Variants in HS6ST3 observed in about 807,000 individuals in gnomAD.
The protein encoded by HS6ST3 is heparan-sulfate 6-O-sulfotransferase 3.
In HS6ST3, 12 loss-of-function variants were observed where a neutral mutation model predicts 36.7. That is an observed-to-expected ratio of 0.33 (90% CI 0.21 to 0.53). The LOEUF (loss-of-function observed/expected upper bound fraction) is 0.53. Among genes scored for constraint, HS6ST3 ranks in the 20% least tolerant of loss-of-function variants. The pLI is 0.95. For synonymous variants in HS6ST3, 240 were observed against 257.5 expected (o/e 0.93, Z 0.65); for missense variants, 584 against 640.9 (o/e 0.91, Z 0.96).
chr13:96,658,277 T>C (rs1308525047), intron 1 of HS6ST3, among the ~76,000 whole-genome samples: 25 of 26,760 alleles, frequency 9.3e-4, no homozygotes, highest in South Asian at 4.6e-3. Flanking sequence ...TCTTTTTTTT[T>C]TTTTTTTTTT....
chr13:96,724,293 CAAG>C (rs1202275185), intron 1 of HS6ST3, among the ~76,000 whole-genome samples: 3 of 152,188 alleles, frequency 2.0e-5, no homozygotes, highest in Non-Finnish European at 2.9e-5. Flanking sequence ...TATGTGGAGA[CAAG>C]GAGTGAACTG....
At chr13:96,211,916 C>T (rs1386073998) in intron 1 of HS6ST3, among the ~76,000 whole-genome samples, 1 of 152,146 alleles carries the variant, frequency 6.6e-6, no homozygotes, top group Non-Finnish European at 1.5e-5. Context: ...TAAATGGGAA[C>T]TGGAAAGAAA....
intron 1 of HS6ST3, among the ~76,000 whole-genome samples, chr13:96,365,724 T>C (rs2055259584): frequency 6.6e-6 from 1 of 152,178 alleles, no homozygotes; most frequent in Admixed American, 6.5e-5. Context: ...AGGCCATGAG[T>C]ATGAAGTATG....
At chr13:96,121,097 G>T (rs1025448735) in intron 1 of HS6ST3, among the ~76,000 whole-genome samples, 1 of 152,204 alleles carries the variant, frequency 6.6e-6, no homozygotes, top group African/African-American at 2.4e-5. Flanking sequence ...GAGGACTTAA[G>T]TTTATTTGCA....
intron 1 of HS6ST3, among the ~76,000 whole-genome samples, chr13:96,325,160 G>A (rs572977780): frequency 9.9e-4 from 150 of 152,248 alleles, no homozygotes; most frequent in Non-Finnish European, 1.8e-3. Context: ...TGAGAGGGCT[G>A]ACTTTACAAA....
intron 1 of HS6ST3, among the ~76,000 whole-genome samples, chr13:96,124,532 A>G (rs2053941387): frequency 6.6e-6 from 1 of 152,230 alleles, no homozygotes; most frequent in Non-Finnish European, 1.5e-5. Flanking sequence ...TGGAGTGTGT[A>G]AACAACTTTG....
chr13:96,286,621 A>C lies in HS6ST3; in HGVS notation c.707+195052A>C, dbSNP rs1273807546. Among the ~76,000 whole-genome samples, 3 of 152,262 alleles carry C rather than the reference A, an allele frequency of 2.0e-5. No individual in the cohort carries two copies. In the East Asian group the frequency reaches 5.8e-4, roughly 29 times the overall value. On this transcript the variant is annotated intron_variant, in intron 1 of 1. Coordinates refer to ENST00000376705, the MANE Select transcript of HS6ST3 (RefSeq NM_153456.4). ...CAGTGGTTGTGGCTAGGAAAGCATT[A>C]ATTTCAAAAATTTAGCTTAGTGTAC...
chr13:96,314,369 G>C (rs2054957486), intron 1 of HS6ST3, among the ~76,000 whole-genome samples: 1 of 152,012 alleles, frequency 6.6e-6, no homozygotes, highest in Admixed American at 6.6e-5. Flanking sequence ...CTAAGATATT[G>C]GGAAATTTTT....
At chr13:96,715,395 AAG>A (rs1200470747) in intron 1 of HS6ST3, among the ~76,000 whole-genome samples, 2 of 152,154 alleles carry the variant, frequency 1.3e-5, no homozygotes, top group African/African-American at 4.8e-5. Flanking sequence ...TTAGCTTAAA[AAG>A]AGCTCTAAAA....
intron 1 of HS6ST3, among the ~76,000 whole-genome samples, chr13:96,748,144 C>T (rs547612292): frequency 6.6e-6 from 1 of 152,016 alleles, no homozygotes; most frequent in Non-Finnish European, 1.5e-5. Flanking sequence ...AAACTCATGG[C>T]ATCCCAGATT....
At chr13:96,533,433 A>G (rs1345786583) in intron 1 of HS6ST3, among the ~76,000 whole-genome samples, 2 of 152,338 alleles carry the variant, frequency 1.3e-5, no homozygotes, top group African/African-American at 4.8e-5. Context: ...CCTGACAGCC[A>G]TGCAAGCATT....
intron 1 of HS6ST3, among the ~76,000 whole-genome samples, chr13:96,822,568 C>A (rs1395425363): frequency 1.3e-5 from 2 of 152,160 alleles, no homozygotes; most frequent in East Asian, 3.9e-4. Context: ...TATAAGGCAG[C>A]GACGTGACAA....
chr13:96,463,792 G>A (rs907693014), intron 1 of HS6ST3, among the ~76,000 whole-genome samples: 6 of 151,970 alleles, frequency 3.9e-5, no homozygotes, highest in Non-Finnish European at 5.9e-5. Flanking sequence ...AAGAAAAAAG[G>A]AACATAAATG....
At chr13:96,327,399 G>A (rs1198013405) in intron 1 of HS6ST3, among the ~76,000 whole-genome samples, 1 of 151,918 alleles carries the variant, frequency 6.6e-6, no homozygotes, top group Non-Finnish European at 1.5e-5. Flanking sequence ...TCTACATATG[G>A]CTAGCCAGTT....
At chr13:96,108,340 A>C (rs2053852076) in intron 1 of HS6ST3, among the ~76,000 whole-genome samples, 1 of 151,812 alleles carries the variant, frequency 6.6e-6, no homozygotes, top group African/African-American at 2.4e-5. Flanking sequence ...CTGCTCTTGA[A>C]CTCTGTTAAG....
At chr13:96,636,113 C>A (rs2056548841) in intron 1 of HS6ST3, among the ~76,000 whole-genome samples, 1 of 152,122 alleles carries the variant, frequency 6.6e-6, no homozygotes, top group Non-Finnish European at 1.5e-5. Flanking sequence ...TCCCTGGGAG[C>A]CATTTCTTTC....
chr13:96,103,893 T>A (rs680576), intron 1 of HS6ST3, among the ~76,000 whole-genome samples: 15 of 151,558 alleles, frequency 9.9e-5, no homozygotes, highest in South Asian at 6.2e-4. Context: ...AGTCTTTCGC[T>A]TAGACCATCA....
At chr13:96,673,634 G>T (rs1461029313) in intron 1 of HS6ST3, among the ~76,000 whole-genome samples, 2 of 151,870 alleles carry the variant, frequency 1.3e-5, no homozygotes, top group African/African-American at 4.8e-5. Context: ...CGTTTTTCCT[G>T]GGTTCTCCTA....
At chr13:96,574,632 A>G (rs565758663) in intron 1 of HS6ST3, 15 of 199,096 alleles carry the variant, frequency 7.5e-5, no homozygotes, top group Admixed American at 1.8e-4. Flanking sequence ...TTCTGTTGCC[A>G]AGTCTGCCTC....
Sources: allele counts gnomAD v4.1 joint callset (sites outside exome capture counted in the v4.1 genomes callset), GRCh38; gene constraint gnomAD v4.1.1; transcripts MANE v1.5; gene names NCBI Gene and HGNC (gene_info 2026-07-23, HGNC 2026-07-21).